The following PTPN4 variants were observed in gnomAD, a reference collection of about 807,000 sequenced individuals.
PTPN4 encodes the protein tyrosine-protein phosphatase non-receptor type 4.
In PTPN4, 49 loss-of-function variants were observed where a neutral mutation model predicts 135.5. The observed-to-expected ratio is 0.36, with a 90% CI of 0.29 to 0.46. The LOEUF (loss-of-function observed/expected upper bound fraction) is 0.46. Ranked by LOEUF, PTPN4 falls within the 20% of genes least tolerant of loss-of-function variation. The probability of loss-of-function intolerance (pLI) is 1.00; values close to 1 mark genes in which losing one functional copy is unlikely to be tolerated. For synonymous variants in PTPN4, 333 were observed against 369.9 expected (o/e 0.90, Z 1.14); for missense variants, 860 against 1,101.0 (o/e 0.78, Z 3.10).
Position 119,920,089 on chromosome 2 carries a change from A to G in PTPN4, c.849A>G (p.Leu283=). The G allele has an allele frequency of 6.2e-7, 1 of 1,607,212 alleles. No individual in the cohort carries two copies. Among genetic ancestry groups the G allele is most frequent in the Non-Finnish European group, 8.5e-7 (1 of 1,177,904 alleles). Residue 283 remains leucine (L), a synonymous_variant, in exon 12 of 27, where the codon TTA becomes TTG. Coordinates refer to ENST00000263708, the MANE Select transcript of PTPN4 (RefSeq NM_002830.4). ...TACAGCATGAATCTAGAGAAACATTATTGGGATTTAATATGGTGAATTACA... is the reference window on the plus strand; with the variant it reads ...TACAGCATGAATCTAGAGAAACATTGTTGGGATTTAATATGGTGAATTACA... ...RKELHESRET[L]LGFNMVNYRA... is the part of the protein sequence containing the mutation.
intron 2 of PTPN4, among the ~76,000 whole-genome samples, chr2:119,850,342 A>G (rs1245364179): frequency 1.3e-5 from 2 of 152,178 alleles, no homozygotes; most frequent in South Asian, 2.1e-4. Flanking sequence ...TTTCTGCCCT[A>G]TGAGTAAGCT....
At chr2:119,967,676 TTC>T (rs1484489756) in intron 25 of PTPN4, among the ~76,000 whole-genome samples, 159 bp from the exon 26 acceptor site, 2 of 152,222 alleles carry the variant, frequency 1.3e-5, no homozygotes, top group Non-Finnish European at 2.9e-5. Flanking sequence ...TGCATTTTTT[TTC>T]TGTTTTCAAA....
At chr2:119,800,222 T>G (rs1691337501) in intron 1 of PTPN4, among the ~76,000 whole-genome samples, 1 of 152,194 alleles carries the variant, frequency 6.6e-6, no homozygotes, top group Non-Finnish European at 1.5e-5. Context: ...TTCAGGATTT[T>G]GTCAGAGATC....
At chr2:119,883,896 A>G (rs1169633472) in intron 8 of PTPN4, among the ~76,000 whole-genome samples, 1 of 152,224 alleles carries the variant, frequency 6.6e-6, no homozygotes, top group African/African-American at 2.4e-5. Context: ...TATCTAAAAC[A>G]GGATAACAAA....
chr2:119,978,011 C>T lies in PTPN4; in HGVS notation c.*941C>T, dbSNP rs965887182. 5.3e-5 allele frequency: 8 copies of T among 152,264 alleles called. No homozygotes were observed. In the East Asian group the frequency reaches 1.5e-3, roughly 29 times the overall value. 9.4% of individuals were successfully genotyped at this position (152,264 alleles called of 1,614,324 possible). ...GAAATTCTGTTTCTTACTCAGTACT[C>T]GTGATTTGCTATAAGAAGCAAAGAT... On this transcript the variant is annotated 3_prime_UTR_variant, in exon 27 of 27. Coordinates refer to ENST00000263708, the MANE Select transcript of PTPN4 (RefSeq NM_002830.4).
chr2:119,834,112 T>G (rs1004093772), intron 2 of PTPN4, among the ~76,000 whole-genome samples: 2 of 152,248 alleles, frequency 1.3e-5, no homozygotes, highest in African/African-American at 4.8e-5. Context: ...GAATGTGTAA[T>G]GATTAAGTCA....
At chr2:119,915,319 T>A in intron 11 of PTPN4, 77 bp downstream of exon 11, 1 of 1,221,302 alleles carries the variant, frequency 8.2e-7, no homozygotes, top group African/African-American at 1.6e-5. Context: ...ACTTTTCTAT[T>A]ATTAGTACAA....
intron 2 of PTPN4, among the ~76,000 whole-genome samples, chr2:119,861,437 A>C (rs1677758953): frequency 6.6e-6 from 1 of 152,236 alleles, no homozygotes; most frequent in South Asian, 2.1e-4. Flanking sequence ...TATGTTGTAT[A>C]TAAATGTAAC....
At chr2:119,908,735 G>A (rs947099800) in intron 10 of PTPN4, among the ~76,000 whole-genome samples, 4 of 152,170 alleles carry the variant, frequency 2.6e-5, no homozygotes, top group East Asian at 1.9e-4. Flanking sequence ...ATTAAGTTCA[G>A]TGAGGAAGGC....
intron 9 of PTPN4, among the ~76,000 whole-genome samples, chr2:119,894,556 A>G (rs1678290031): frequency 6.6e-6 from 1 of 152,214 alleles, no homozygotes. Context: ...TTTTTTCATC[A>G]TTAATGAATG....
intron 2 of PTPN4, among the ~76,000 whole-genome samples, chr2:119,857,790 T>TTTTG (rs1008528187): frequency 1.3e-5 from 2 of 151,776 alleles, no homozygotes; most frequent in African/African-American, 4.8e-5. Flanking sequence ...CAGGCTTGGG[T>TTTTG]TTTGTTTGTT....
At chr2:119,968,937 T>G (rs1285062796) in intron 26 of PTPN4, among the ~76,000 whole-genome samples, 1 of 152,212 alleles carries the variant, frequency 6.6e-6, no homozygotes, top group Non-Finnish European at 1.5e-5. Flanking sequence ...TTGCACTGAT[T>G]AAGACACTGT....
At position 119,982,890 on chromosome 2, in the gene PTPN4, T is replaced by C. The variant is rs776324024; in HGVS notation, c.*5820T>C. On this transcript the variant is annotated 3_prime_UTR_variant, in exon 27 of 27. Coordinates refer to ENST00000263708, the MANE Select transcript of PTPN4 (RefSeq NM_002830.4). Reference sequence around the variant, plus strand: ...TCTGAATTGTAGCAGTGATGTCTTATATGCTTACGAGTTTATATTAATTCA... The same window carrying C: ...TCTGAATTGTAGCAGTGATGTCTTACATGCTTACGAGTTTATATTAATTCA... 4 of 152,230 alleles carry C rather than the reference T, an allele frequency of 2.6e-5. No individual in the cohort carries two copies. The highest frequency in any genetic ancestry group is 5.9e-5 in the Non-Finnish European group (4 of 68,042). 9.4% of individuals were successfully genotyped at this position (152,230 alleles called of 1,614,324 possible). A position where few individuals can be genotyped will look rare whatever the true frequency, so the allele number is the denominator to read the frequency against.
chr2:119,891,527 G>A lies in PTPN4; in HGVS notation c.675+5645G>A, dbSNP rs192448186. Among the ~76,000 whole-genome samples, 99 of 152,192 alleles carry A rather than the reference G, an allele frequency of 6.5e-4. 1 individual carries two copies. The highest frequency in any genetic ancestry group is 2.0e-3 in the African/African-American group (85 of 41,530). ...TTTAGTAGAGATGGGGTTTCACCAC[G>A]TTGGACAGGCTGGTCTCGAACTCCT... On this transcript the variant is annotated intron_variant, in intron 9 of 26. Coordinates refer to ENST00000263708, the MANE Select transcript of PTPN4 (RefSeq NM_002830.4).
chr2:119,921,054 G>A (rs922743459), intron 12 of PTPN4, among the ~76,000 whole-genome samples: 1 of 152,140 alleles, frequency 6.6e-6, no homozygotes, highest in Non-Finnish European at 1.5e-5. Flanking sequence ...GCCGAGGCAG[G>A]CGGATCACCA....
At chr2:119,872,336 A>G (rs930469048) in intron 3 of PTPN4, among the ~76,000 whole-genome samples, 4 of 152,182 alleles carry the variant, frequency 2.6e-5, no homozygotes, top group Admixed American at 2.6e-4. Flanking sequence ...TTATAAGAGA[A>G]ACAAAAGGTT....
intron 2 of PTPN4, among the ~76,000 whole-genome samples, chr2:119,847,779 C>G (rs1022376137): frequency 7.9e-5 from 12 of 152,154 alleles, no homozygotes; most frequent in African/African-American, 2.7e-4. Context: ...AACAAATACT[C>G]TCAGTATTCA....
At chr2:119,963,324 C>T (rs1426109731) in intron 24 of PTPN4, among the ~76,000 whole-genome samples, 2 of 152,092 alleles carry the variant, frequency 1.3e-5, no homozygotes, top group African/African-American at 2.4e-5. Flanking sequence ...GGCTCAGTAT[C>T]CCAATTGGAA....
At chr2:119,930,829 G>GTT (rs533782080) in intron 13 of PTPN4, among the ~76,000 whole-genome samples, 5 of 138,478 alleles carry the variant, frequency 3.6e-5, no homozygotes, top group African/African-American at 1.1e-4. Flanking sequence ...CTTGGTAATT[G>GTT]TTTTTTTTTT....
Sources: allele counts gnomAD v4.1 joint callset (sites outside exome capture counted in the v4.1 genomes callset), GRCh38; gene constraint gnomAD v4.1.1; transcripts MANE v1.5; gene names NCBI Gene and HGNC (gene_info 2026-07-23, HGNC 2026-07-21).